Variants in PTPRS observed in about 807,000 individuals in gnomAD.
PTPRS encodes protein tyrosine phosphatase receptor type S, also known as receptor-type tyrosine-protein phosphatase S.
A neutral mutation model predicts 215.3 loss-of-function variants in PTPRS; 63 were observed. That is an observed-to-expected ratio of 0.29 (90% CI 0.24 to 0.36). The LOEUF is 0.36. PTPRS is among the 10% of genes least tolerant of loss of function. PTPRS has a pLI of 1.00. For missense variants in PTPRS, 2,258 were observed against 2,825.8 expected, an observed-to-expected ratio of 0.80 and a Z score of 4.56; for synonymous variants, 1,404 against 1,191.4, an observed-to-expected ratio of 1.18 and a Z score of -3.68.
chr19:5,282,929 G>A (rs1364068990), intron 2 of PTPRS, among the ~76,000 whole-genome samples: 1 of 152,186 alleles, frequency 6.6e-6, no homozygotes, highest in African/African-American at 2.4e-5. Context: ...GGGGTTGGGG[G>A]TCTTTATTGA....
Position 5,210,688 on chromosome 19 carries a change from C to G in PTPRS, c.5352G>C (p.Glu1784Asp). Residue 1784 changes from glutamate (E) to aspartate (D), a missense_variant, in exon 34 of 38, where the codon GAG becomes GAC. Coordinates refer to ENST00000262963, the MANE Select transcript of PTPRS (RefSeq NM_002850.4). The surrounding 1 kb of genome is among the most constrained non-coding windows in gnomAD (Gnocchi z 4.5). ...TIVVMLTKLR[E>D]MGREKCHQYW... Reference sequence around the variant, plus strand: ...GTGGCCCCTAGCTCACCCGGCCCATCTCCCGCAGCTTGGTCAGCATCACCA... The same window carrying G: ...GTGGCCCCTAGCTCACCCGGCCCATGTCCCGCAGCTTGGTCAGCATCACCA... 1 of 1,614,192 alleles carries G rather than the reference C, an allele frequency of 6.2e-7. No individual in the cohort carries two copies. Among genetic ancestry groups the G allele is most frequent in the Non-Finnish European group, 8.5e-7 (1 of 1,180,042 alleles).
chr19:5,283,890 T>C (rs774866893), intron 2 of PTPRS, among the ~76,000 whole-genome samples: 5 of 150,822 alleles, frequency 3.3e-5, no homozygotes, highest in South Asian at 2.1e-4. Flanking sequence ...CTGGGCAACA[T>C]AGTAAAAACT....
chr19:5,266,016 T>C lies in PTPRS; in HGVS notation c.380-820A>G, dbSNP rs1451148899. ...GGCTCATGCCTGTAATCCCAGCACT[T>C]TGGGAGGCCGAGACAGGTGGATCAC... On this transcript the variant is annotated intron_variant, in intron 4 of 37. Transcript: ENST00000262963. Among the ~76,000 whole-genome samples, 3 of 152,186 alleles carry C rather than the reference T, an allele frequency of 2.0e-5. No individual in the cohort carries two copies. The South Asian group carries it at 6.2e-4, about 32-fold the overall frequency.
At chr19:5,277,860 C>A in intron 2 of PTPRS, 1 of 891,772 alleles carries the variant, frequency 1.1e-6, no homozygotes. Flanking sequence ...GAGGTATTGA[C>A]AACAGGGTTC....
chr19:5,215,615 C>T lies in PTPRS; in HGVS notation c.4097-20G>A. ...GCATGCCTACAGGGTGGAGCAGACC[C>T]CGCCGGGGTTGGTCACTTGGGGGGC... On this transcript the variant is annotated intron_variant, in intron 26 of 37. Transcript: ENST00000262963. 1 of 1,564,662 alleles carries T rather than the reference C, an allele frequency of 6.4e-7. No individual in the cohort carries two copies.
intron 1 of PTPRS, among the ~76,000 whole-genome samples, chr19:5,302,336 G>A (rs1015374781): frequency 6.6e-6 from 1 of 152,128 alleles, no homozygotes; most frequent in African/African-American, 2.4e-5. Context: ...CTAAACACCA[G>A]CTTGGGTGAC....
chr19:5,291,094 G>A (rs1004885755), intron 1 of PTPRS, among the ~76,000 whole-genome samples: 3 of 152,048 alleles, frequency 2.0e-5, no homozygotes, highest in Admixed American at 1.3e-4. Context: ...GAAGTCCGGG[G>A]ACCTGGCTTT....
At position 5,244,181 on chromosome 19, in the gene PTPRS, C is replaced by T. The variant is rs202092654; in HGVS notation, c.1290G>A (p.Pro430=). The part of the protein sequence containing the change: ...RTGEQAPASA[P]RNVQARMLSA... ...TGAGCATCCGGGCTTGCACGTTCCG[C>T]GGCGCGCTGGCCGGGGCCTGCTCGC... The change falls in exon 11 of 38, where the codon CCG becomes CCA. Residue 430 remains proline (P), a synonymous_variant. Transcript: ENST00000262963. The surrounding 1 kb of genome is among the most constrained non-coding windows in gnomAD (Gnocchi z 7.2). The T allele has an allele frequency of 4.3e-5, 69 of 1,598,852 alleles. No homozygotes were observed. Among genetic ancestry groups the T allele is most frequent in the South Asian group, 6.7e-5 (6 of 89,082 alleles).
At chr19:5,322,396 A>G (rs2050047740) in intron 1 of PTPRS, among the ~76,000 whole-genome samples, 1 of 152,130 alleles carries the variant, frequency 6.6e-6, no homozygotes, top group Admixed American at 6.5e-5. Context: ...AGGCCCCGGA[A>G]CTCGAGGACG....
chr19:5,286,021 C>T (rs539118460), intron 2 of PTPRS, 29 bp downstream of exon 2: 1 of 1,598,854 alleles, frequency 6.3e-7, no homozygotes, highest in Admixed American at 1.7e-5. Flanking sequence ...AACACGCAGA[C>T]CCCTGCACAT....
intron 10 of PTPRS, 119 bp downstream of exon 10, chr19:5,245,657 A>C: frequency 7.1e-7 from 1 of 1,399,532 alleles, no homozygotes; most frequent in African/African-American, 1.5e-5. Flanking sequence ...CTAGCCATGA[A>C]TGACTGAAGC....
intron 3 of PTPRS, 123 bp from the exon 4 acceptor site, chr19:5,273,706 G>A (rs1448508950): frequency 2.5e-6 from 3 of 1,214,970 alleles, no homozygotes; most frequent in South Asian, 1.5e-5. Flanking sequence ...GGGGGTGACT[G>A]GGAGAATTGC....
At chr19:5,289,357 A>C (rs1001943576) in intron 1 of PTPRS, among the ~76,000 whole-genome samples, 1 of 152,172 alleles carries the variant, frequency 6.6e-6, no homozygotes, top group African/African-American at 2.4e-5. Context: ...CGACCTGGAC[A>C]GATGTCGTCA....
At chr19:5,301,728 A>T (rs4807021) in intron 1 of PTPRS, among the ~76,000 whole-genome samples, 1 of 151,444 alleles carries the variant, frequency 6.6e-6, no homozygotes, top group African/African-American at 2.4e-5. Flanking sequence ...GGGTGATCAC[A>T]GTCTCCCCCC....
intron 12 of PTPRS, 71 bp from the exon 13 acceptor site, chr19:5,239,134 G>A (rs913454907): frequency 5.0e-6 from 6 of 1,202,264 alleles, no homozygotes; most frequent in Non-Finnish European, 7.1e-6. Context: ...AAAGGGGAGA[G>A]AGAGAGAGAC....
chr19:5,248,189 CAG>C (rs1459253202), intron 9 of PTPRS, among the ~76,000 whole-genome samples: 1 of 152,000 alleles, frequency 6.6e-6, no homozygotes, highest in Non-Finnish European at 1.5e-5. Flanking sequence ...GTCATGGAAA[CAG>C]AACACAATGG....
In PTPRS at chr19:5,222,865, C is replaced by A. The variant is rs986697718; in HGVS notation, c.2927G>T (p.Gly976Val). 3.1e-5 allele frequency: 49 copies of A among 1,586,194 alleles called. No homozygotes were observed. Among genetic ancestry groups the A allele is most frequent in the Non-Finnish European group, 4.1e-5 (48 of 1,172,516 alleles). ...TVAVREAGAL[G>V]PARETELPAA... Reference sequence around the variant, plus strand: ...CGGCAGCTCAGTCTCTCGGGCAGGGCCCAGGGCACCGGCCTCCCGCACGGC... The same window carrying A: ...CGGCAGCTCAGTCTCTCGGGCAGGGACCAGGGCACCGGCCTCCCGCACGGC... The change falls in exon 18 of 38, where the codon GGC (glycine) becomes GTC (valine). Residue 976 changes from glycine (G) to valine (V), a missense_variant. By Grantham distance (109) the Gly-to-Val change is moderately radical. Coordinates refer to ENST00000262963, the MANE Select transcript of PTPRS (RefSeq NM_002850.4).
intron 2 of PTPRS, among the ~76,000 whole-genome samples, chr19:5,275,110 G>A (rs963509384): frequency 1.1e-4 from 16 of 148,348 alleles, no homozygotes; most frequent in Admixed American, 4.7e-4. Context: ...TCACTCTGTC[G>A]CCCAAGCTGG....
At chr19:5,285,825 G>A (rs949709145) in intron 2 of PTPRS, among the ~76,000 whole-genome samples, 2 of 152,154 alleles carry the variant, frequency 1.3e-5, no homozygotes, top group African/African-American at 4.8e-5. Flanking sequence ...TCATCATTAC[G>A]GTTATTACTT....
Sources: allele counts gnomAD v4.1 joint callset (sites outside exome capture counted in the v4.1 genomes callset), GRCh38; gene constraint gnomAD v4.1.1; non-coding constraint Gnocchi (gnomAD v3.1); transcripts MANE v1.5; gene names NCBI Gene and HGNC (gene_info 2026-07-23, HGNC 2026-07-21).